Variants in PTDSS2 observed in about 807,000 individuals in gnomAD.
PTDSS2 encodes the protein phosphatidylserine synthase 2.
PTDSS2 carries 41 observed loss-of-function variants against 64.7 expected under a neutral mutation model. The observed-to-expected ratio is 0.63, with a 90% confidence interval of 0.49 to 0.82. The LOEUF is 0.82. Ranked by LOEUF, PTDSS2 falls within the 40% of genes least tolerant of loss-of-function variation. The pLI, the probability that PTDSS2 is intolerant of heterozygous loss-of-function variation, is 0.00. For synonymous variants in PTDSS2, 297 were observed against 277.8 expected (o/e 1.07, Z -0.69); for missense variants, 485 against 650.0 (o/e 0.75, Z 2.76).
Position 450,471 on chromosome 11 carries a change from C to T in PTDSS2, c.16C>T (p.Arg6Cys), listed in dbSNP as rs550949084. 5.7e-3 allele frequency: 7,005 copies of T among 1,231,114 alleles called. 28 individuals are homozygous for T. The highest frequency in any genetic ancestry group is 6.4e-3 in the Non-Finnish European group (6,259 of 983,386). The allele number at this position is 1,231,114 out of a possible 1,614,324, so 76.3% of individuals were successfully genotyped here. A position where few individuals can be genotyped will look rare whatever the true frequency, so the allele number is the denominator to read the frequency against. MRRGE[R>C]RDAGGPRPES... ...CCGAAACGCCATGCGGAGGGGCGAG[C>T]GCAGGGACGCCGGAGGTCCGCGGCC... The change falls in exon 1 of 12, where the codon CGC (arginine) becomes TGC (cysteine). Residue 6 changes from arginine (R) to cysteine (C), a missense_variant. By Grantham distance (180) the Arg-to-Cys change is radical. Coordinates refer to ENST00000308020, the MANE Select transcript of PTDSS2 (RefSeq NM_030783.3).
intron 1 of PTDSS2, among the ~76,000 whole-genome samples, chr11:455,204 C>T (rs1486107550): frequency 6.6e-6 from 1 of 152,200 alleles, no homozygotes; most frequent in Non-Finnish European, 1.5e-5. Flanking sequence ...TGCATGTGAG[C>T]AGGTTGATGG....
chr11:468,675 C>G (rs928594795), intron 2 of PTDSS2, among the ~76,000 whole-genome samples: 1 of 152,222 alleles, frequency 6.6e-6, no homozygotes, highest in Non-Finnish European at 1.5e-5. Context: ...ACTGGCAGCT[C>G]TGTCACTGTG....
Position 486,999 on chromosome 11 carries a change from C to A in PTDSS2, c.496C>A (p.Pro166Thr), listed in dbSNP as rs764231963. The change falls in exon 5 of 12, where the codon CCA becomes ACA. Residue 166 changes from proline to threonine, a missense_variant. Pro to Thr is a conservative substitution (Grantham distance 38). This residue lies in a region of PTDSS2 where 251 missense variants were observed against 348.0 expected (regional missense o/e 0.72). Transcript: ENST00000308020. ...TGACCCCAAGCTGGGAGTCCCACTG[C>A]CAGAGAGAGACTACGGGGGAAACTG... ...YVDPKLGVPL[P>T]ERDYGGNCLI... The A allele has an allele frequency of 1.2e-6, 2 of 1,613,468 alleles. No homozygotes were observed. Among genetic ancestry groups the A allele is most frequent in the Non-Finnish European group, 1.7e-6 (2 of 1,179,908 alleles).
rs1846261507 is a variant in PTDSS2, at chr11:450,429, G to A, written c.-27G>A. The A allele has an allele frequency of 1.6e-6, 2 of 1,222,910 alleles. No individual in the cohort carries two copies. The highest frequency in any genetic ancestry group is 2.0e-6 in the Non-Finnish European group (2 of 981,484). 75.8% of individuals were successfully genotyped at this position (1,222,910 alleles called of 1,614,324 possible). ...CGGTGTGCGTGGGGTCGAGGCGCCG[G>A]GCGGAGTGGCTCCGGGCCGAAACGC... On this transcript the variant is annotated 5_prime_UTR_variant, in exon 1 of 12. Coordinates refer to ENST00000308020, the MANE Select transcript of PTDSS2 (RefSeq NM_030783.3).
intron 4 of PTDSS2, among the ~76,000 whole-genome samples, chr11:483,828 T>C (rs1260609555): frequency 6.6e-6 from 1 of 152,208 alleles, no homozygotes; most frequent in Non-Finnish European, 1.5e-5. Context: ...TCTGACGTTT[T>C]CTCAGTATTT....
chr11:477,882 C>G (rs980206181), intron 3 of PTDSS2, among the ~76,000 whole-genome samples: 4 of 152,248 alleles, frequency 2.6e-5, no homozygotes, highest in African/African-American at 9.6e-5. Flanking sequence ...AGTTTGTGAT[C>G]TCAGTCGTCT....
At position 486,956 on chromosome 11, in the gene PTDSS2, G is replaced by T. The variant is rs778844947; in HGVS notation, c.453G>T (p.Arg151=). ...CCTTGCAGACTGTCCAGGACGGCCGGCAGTTTCTAAAGTATGTTGACCCCA... is the reference window on the plus strand; with the variant it reads ...CCTTGCAGACTGTCCAGGACGGCCGTCAGTTTCTAAAGTATGTTGACCCCA... ...FILFQTVQDG[R]QFLKYVDPKL... is the part of the protein sequence containing the mutation. The change falls in exon 5 of 12, where the codon CGG becomes CGT. Residue 151 remains arginine, a synonymous_variant. Transcript: ENST00000308020. 6.2e-7 allele frequency: 1 copy of T among 1,612,480 alleles called. No homozygotes were observed. Among genetic ancestry groups the T allele is most frequent in the Non-Finnish European group, 8.5e-7 (1 of 1,179,664 alleles).
chr11:456,170 CTTTTTTTT>C (rs71022912), intron 1 of PTDSS2, among the ~76,000 whole-genome samples: 1 of 114,894 alleles, frequency 8.7e-6, no homozygotes, highest in African/African-American at 3.4e-5. Context: ...TTCTTTCATT[CTTTTTTTT>C]TTTTTTTTTT....
At chr11:487,726 G>C (rs1372948884) in intron 6 of PTDSS2, among the ~76,000 whole-genome samples, 1 of 152,238 alleles carries the variant, frequency 6.6e-6, no homozygotes, top group East Asian at 1.9e-4. Context: ...TCCCGCCCCT[G>C]CCTGGGCTTG....
In PTDSS2 at chr11:460,465, G is replaced by A; in HGVS notation, c.284+177G>A. ...TGCAGACTCCAGGGCTGCCCTTGGT[G>A]CTGCGTGGCGTTCCCGGTCAGCCCC... On this transcript the variant is annotated intron_variant, in intron 2 of 11. Coordinates refer to ENST00000308020, the MANE Select transcript of PTDSS2 (RefSeq NM_030783.3). This position sits in a 1 kb window ranked among gnomAD's most constrained non-coding sequence, Gnocchi z 5.8. 1 of 580,032 alleles carries A rather than the reference G, an allele frequency of 1.7e-6. No individual in the cohort carries two copies. Among genetic ancestry groups the A allele is most frequent in the Non-Finnish European group, 3.1e-6 (1 of 323,092 alleles). The allele number at this position is 580,032 out of a possible 1,614,324, so 35.9% of individuals were successfully genotyped here. A position where few individuals can be genotyped will look rare whatever the true frequency, so the allele number is the denominator to read the frequency against.
intron 2 of PTDSS2, among the ~76,000 whole-genome samples, chr11:471,478 C>T (rs911450141): frequency 4.6e-5 from 7 of 152,260 alleles, no homozygotes; most frequent in Non-Finnish European, 1.5e-5. Flanking sequence ...CTGTGTGACC[C>T]GGTCTGAGCT....
intron 2 of PTDSS2, 78 bp from the exon 3 acceptor site, chr11:473,816 TG>T: frequency 9.2e-7 from 1 of 1,086,150 alleles, no homozygotes; most frequent in Non-Finnish European, 1.4e-6. Context: ...AATGGGTGTC[TG>T]GGGGTCCCTG....
rs991736685 is a variant in PTDSS2, at chr11:489,338, G to C, written c.855-62G>C. 4 of 1,407,944 alleles carry C rather than the reference G, an allele frequency of 2.8e-6. No individual in the cohort carries two copies. In the Admixed American group the frequency reaches 6.9e-5, roughly 24 times the overall value. The allele number at this position is 1,407,944 out of a possible 1,614,324, so 87.2% of individuals were successfully genotyped here. ...GGTGACCAGGAACAGTCTGTTGCCCGATGGCACAGGGCAGGGTTCGGTGGG... is the reference window on the plus strand; with the variant it reads ...GGTGACCAGGAACAGTCTGTTGCCCCATGGCACAGGGCAGGGTTCGGTGGG... On this transcript the variant is annotated intron_variant, in intron 8 of 11. Transcript: ENST00000308020.
At position 460,173 on chromosome 11, in the gene PTDSS2, T is replaced by G; in HGVS notation, c.183-14T>G. 1 of 1,609,040 alleles carries G rather than the reference T, an allele frequency of 6.2e-7. No homozygotes were observed. Among genetic ancestry groups the G allele is most frequent in the Non-Finnish European group, 8.5e-7 (1 of 1,175,510 alleles). On this transcript the variant is annotated splice_polypyrimidine_tract_variant and intron_variant, in intron 1 of 11. Transcript: ENST00000308020. The surrounding 1 kb of genome is among the most constrained non-coding windows in gnomAD (Gnocchi z 5.8). Reference sequence around the variant, plus strand: ...CAAGCTCTGACACCATGCTTATGCGTTTTTGGATTTCAGGCGAGCCCACAC... The same window carrying G: ...CAAGCTCTGACACCATGCTTATGCGGTTTTGGATTTCAGGCGAGCCCACAC...
chr11:485,491 C>T (rs1369210012), intron 4 of PTDSS2, among the ~76,000 whole-genome samples: 10 of 138,720 alleles, frequency 7.2e-5, no homozygotes, highest in African/African-American at 2.7e-4. Flanking sequence ...ACTGTGCAGG[C>T]GAGTGTAAAC....
intron 1 of PTDSS2, among the ~76,000 whole-genome samples, chr11:452,939 C>T (rs1846409682): frequency 6.6e-6 from 1 of 151,870 alleles, no homozygotes; most frequent in African/African-American, 2.4e-5. Flanking sequence ...CTGTGTTGCC[C>T]AGGCTGGTCT....
At position 479,081 on chromosome 11, in the gene PTDSS2, G is replaced by A; in HGVS notation, c.368-4G>A. 4 of 1,613,924 alleles carry A rather than the reference G, an allele frequency of 2.5e-6. No individual in the cohort carries two copies. The highest frequency in any genetic ancestry group is 3.4e-6 in the Non-Finnish European group (4 of 1,179,766). On this transcript the variant is annotated splice_region_variant and splice_polypyrimidine_tract_variant and intron_variant, in intron 3 of 11. Transcript: ENST00000308020. The surrounding 1 kb of genome is among the most constrained non-coding windows in gnomAD (Gnocchi z 4.2). The stretch of plus-strand genomic sequence containing the variant: ...CACTAACGTTCTGTCGTCTGTCTTT[G>A]TAGCTTACTGGAGGTTTTGGCTCTG...
Position 460,636 on chromosome 11 carries a change from G to T in PTDSS2, c.284+348G>T. 2 of 226,728 alleles carry T rather than the reference G, an allele frequency of 8.8e-6. No homozygotes were observed. The highest frequency in any genetic ancestry group is 7.8e-5 in the South Asian group (1 of 12,740). The allele number at this position is 226,728 out of a possible 1,614,324, so 14.0% of individuals were successfully genotyped here. A position where few individuals can be genotyped will look rare whatever the true frequency, so the allele number is the denominator to read the frequency against. On this transcript the variant is annotated intron_variant, in intron 2 of 11. Coordinates refer to ENST00000308020, the MANE Select transcript of PTDSS2 (RefSeq NM_030783.3). The surrounding 1 kb of genome is among the most constrained non-coding windows in gnomAD (Gnocchi z 5.8). ...AGCCCTTGAGTTTGGGCGTCTCCGG[G>T]GGTGAGGTTCCTGCGGTGGCCGCGT...
At chr11:490,203 CG>C in intron 11 of PTDSS2, 135 bp downstream of exon 11, 1 of 1,172,284 alleles carries the variant, frequency 8.5e-7, no homozygotes, top group East Asian at 2.5e-5. Context: ...CTGCGGGAGG[CG>C]CCTTTCCTGA....
Sources: allele counts gnomAD v4.1 joint callset (sites outside exome capture counted in the v4.1 genomes callset), GRCh38; gene constraint gnomAD v4.1.1; regional missense constraint gnomAD v4.1.1; non-coding constraint Gnocchi (gnomAD v3.1); transcripts MANE v1.5; gene names NCBI Gene and HGNC (gene_info 2026-07-23, HGNC 2026-07-21).